KANK1: variants seen among roughly 807,000 people sequenced by gnomAD.
KANK1 encodes the protein KN motif and ankyrin repeat domain-containing protein 1.
A neutral mutation model predicts 106.2 loss-of-function variants in KANK1; 109 were observed. That is an observed-to-expected ratio of 1.03 (90% CI 0.88 to 1.20). The LOEUF (loss-of-function observed/expected upper bound fraction) is 1.20, where lower values mean the gene tolerates loss of function less well. KANK1 is among the 50% of genes most tolerant of loss of function. The probability of loss-of-function intolerance (pLI) is 0.00; values close to 1 mark genes in which losing one functional copy is unlikely to be tolerated. For synonymous variants in KANK1, 873 were observed against 652.2 expected, an observed-to-expected ratio of 1.34 and a Z score of -5.16; for missense variants, 2,399 against 1,710.7, an observed-to-expected ratio of 1.40 and a Z score of -7.10.
intron 2 of KANK1, among the ~76,000 whole-genome samples, chr9:694,128 G>A (rs532966055): frequency 1.3e-5 from 2 of 152,154 alleles, no homozygotes; most frequent in South Asian, 4.2e-4. Flanking sequence ...TTCCAATAGG[G>A]AGTTGCTCAA....
chr9:520,066 G>C (rs966058935), intron 1 of KANK1, among the ~76,000 whole-genome samples: 2 of 151,692 alleles, frequency 1.3e-5, no homozygotes, highest in Non-Finnish European at 2.9e-5. Context: ...AGCCGGGTGC[G>C]GTGGCTCACA....
At chr9:703,945 C>T (rs1823352780) in intron 2 of KANK1, among the ~76,000 whole-genome samples, 1 of 152,170 alleles carries the variant, frequency 6.6e-6, no homozygotes, top group South Asian at 2.1e-4. Flanking sequence ...AACTCCTGAC[C>T]TCAGGCAATC....
chr9:528,185 A>G (rs994683278), intron 1 of KANK1, among the ~76,000 whole-genome samples: 1 of 151,038 alleles, frequency 6.6e-6, no homozygotes, highest in African/African-American at 2.4e-5. Context: ...TTGTCCAAGT[A>G]TTCTGATTGG....
intron 2 of KANK1, chr9:693,379 C>T (rs1187924267): frequency 2.0e-6 from 2 of 985,020 alleles, no homozygotes; most frequent in African/African-American, 3.5e-5. Flanking sequence ...TAAGTCAGCA[C>T]AAACAATGAG....
At chr9:536,654 A>C (rs990831978) in intron 1 of KANK1, among the ~76,000 whole-genome samples, 9 of 152,210 alleles carry the variant, frequency 5.9e-5, no homozygotes, top group Non-Finnish European at 1.2e-4. Flanking sequence ...CTTTTTAAAA[A>C]GACTCATTAG....
chr9:578,069 GAGAGA>G (rs573610095), intron 1 of KANK1, among the ~76,000 whole-genome samples: 4 of 152,110 alleles, frequency 2.6e-5, no homozygotes, highest in African/African-American at 7.2e-5. Flanking sequence ...CAAGAACTGA[GAGAGA>G]AGAGAAGAAC....
chr9:719,650 C>T (rs962759848), intron 3 of KANK1, among the ~76,000 whole-genome samples: 1 of 152,162 alleles, frequency 6.6e-6, no homozygotes, highest in African/African-American at 2.4e-5. Context: ...TGGCTATATA[C>T]CAATAACTAA....
intron 1 of KANK1, among the ~76,000 whole-genome samples, chr9:505,690 G>T (rs994399679): frequency 6.6e-6 from 1 of 152,218 alleles, no homozygotes; most frequent in Admixed American, 6.5e-5. Context: ...TATGGCGTCC[G>T]CCAGCGCTCG....
chr9:710,984 GC>G lies in KANK1; in HGVS notation c.221del (p.Pro74GlnfsTer35). 6.2e-7 allele frequency: 1 copy of G among 1,614,168 alleles called. No homozygotes were observed. Among genetic ancestry groups the G allele is most frequent in the Non-Finnish European group, 8.5e-7 (1 of 1,180,024 alleles). ...IQKRRKPSVP[C>X]PEPRTTSGQQ... ...AAGAGGCGGAAGCCGTCCGTGCCAT[GC>G]CCAGAACCCAGGACCACATCTGGTC... On this transcript the variant is annotated frameshift_variant, in exon 3 of 12. Transcript: ENST00000382297. LOFTEE classifies it high-confidence loss of function.
intron 1 of KANK1, among the ~76,000 whole-genome samples, chr9:586,273 C>T (rs1823439643): frequency 6.6e-6 from 1 of 152,164 alleles, no homozygotes; most frequent in South Asian, 2.1e-4. Context: ...ACCAGTTCTT[C>T]ATTTTACAGT....
chr9:500,980 G>A (rs2058541231), upstream of KANK1, among the ~76,000 whole-genome samples: 1 of 152,112 alleles, frequency 6.6e-6, no homozygotes, highest in African/African-American at 2.4e-5. Flanking sequence ...GTTACTGAAT[G>A]ACTTTCTTCC....
chr9:571,565 A>T (rs970999552), intron 1 of KANK1, among the ~76,000 whole-genome samples: 44 of 138,376 alleles, frequency 3.2e-4, no homozygotes, highest in Admixed American at 1.5e-3. Context: ...ACTTCTAAAT[A>T]AAAAAAAAAA....
At chr9:743,604 C>T (rs1219297331) in intron 10 of KANK1, among the ~76,000 whole-genome samples, 2 of 152,172 alleles carry the variant, frequency 1.3e-5, no homozygotes, top group Non-Finnish European at 2.9e-5. Flanking sequence ...GTGGGTCACT[C>T]CTGTAATTCC....
At chr9:707,423 T>G (rs1364347849) in intron 2 of KANK1, among the ~76,000 whole-genome samples, 2 of 152,282 alleles carry the variant, frequency 1.3e-5, no homozygotes, top group Admixed American at 1.3e-4. Context: ...GAGGCCCGGA[T>G]CAGCCTGCCT....
At chr9:629,057 C>A (rs1011472866) in intron 1 of KANK1, among the ~76,000 whole-genome samples, 2 of 134,788 alleles carry the variant, frequency 1.5e-5, no homozygotes, top group East Asian at 4.1e-4. Context: ...CCAGCCTGGG[C>A]AACAGGGCAC....
intron 1 of KANK1, among the ~76,000 whole-genome samples, chr9:538,534 C>T (rs1044894978): frequency 1.3e-5 from 2 of 152,198 alleles, no homozygotes; most frequent in Non-Finnish European, 2.9e-5. Flanking sequence ...ACTAAATTGA[C>T]AGCAACTAGT....
rs576087997 is a variant in KANK1 at position 732,183 on chromosome 9, G to C, written c.3006-195G>C. ...TGATACCAATTGGTTATATGATACC[G>C]ATAACCAGTTTAAGTTAGAGTCCAT... On this transcript the variant is annotated intron_variant, in intron 5 of 11. Transcript: ENST00000382297. 5.3e-6 allele frequency: 3 copies of C among 560,782 alleles called. No homozygotes were observed. The Admixed American group carries it at 9.4e-5, about 17-fold the overall frequency. 34.7% of individuals were successfully genotyped at this position (560,782 alleles called of 1,614,324 possible). A position where few individuals can be genotyped will look rare whatever the true frequency, so the allele number is the denominator to read the frequency against.
rs184327442 is a variant in KANK1 at position 587,511 on chromosome 9, A to G, written c.-84+82757A>G. On this transcript the variant is annotated intron_variant, in intron 1 of 11. Coordinates refer to ENST00000382297, the MANE Select transcript of KANK1 (RefSeq NM_015158.5). ...ATTGCAGGCTTTATTCAATAAACCT[A>G]GAAAATAGAGAGTTTAAATCAAAAT... 3.0e-3 allele frequency among the ~76,000 whole-genome samples: 460 copies of G among 152,332 alleles called. 3 individuals are homozygous for G. Among genetic ancestry groups the G allele is most frequent in the African/African-American group, 0.011 (445 of 41,578 alleles).
chr9:579,797 A>T (rs1821554113), intron 1 of KANK1, among the ~76,000 whole-genome samples: 1 of 152,210 alleles, frequency 6.6e-6, no homozygotes, highest in African/African-American at 2.4e-5. Context: ...TGGGTTCATT[A>T]ACCCCACACT....
Sources: allele counts gnomAD v4.1 joint callset (sites outside exome capture counted in the v4.1 genomes callset), GRCh38; gene constraint gnomAD v4.1.1; transcripts MANE v1.5; gene names NCBI Gene and HGNC (gene_info 2026-07-23, HGNC 2026-07-21).